Variants in TNS1 observed in about 807,000 individuals in gnomAD.
The protein encoded by TNS1 is tensin 1.
In TNS1, 62 loss-of-function variants were observed where a neutral mutation model predicts 168.6. The observed-to-expected ratio is 0.37, with a 90% confidence interval of 0.30 to 0.45. The LOEUF (loss-of-function observed/expected upper bound fraction) is 0.45. Ranked by LOEUF, TNS1 falls within the 20% of genes least tolerant of loss-of-function variation. TNS1 has a pLI of 1.00. For missense variants in TNS1, 2,240 were observed against 2,339.4 expected (o/e 0.96, Z 0.88); for synonymous variants, 934 against 933.2 (o/e 1.00, Z -0.02).
Position 217,960,742 on chromosome 2 carries a change from TC to T in TNS1, c.186+18022del, listed in dbSNP as rs1433669760. Among the ~76,000 whole-genome samples, 3 of 152,052 alleles carry T rather than the reference TC, an allele frequency of 2.0e-5. No homozygotes were observed. The East Asian group carries it at 5.8e-4, about 29-fold the overall frequency. Reference sequence around the variant, plus strand: ...TGCTCCTTCAGTCCCCTGTCCCCCTTCCAGTCTCCCTACCACCAGAGGACAA... The same window carrying T: ...TGCTCCTTCAGTCCCCTGTCCCCCTTCAGTCTCCCTACCACCAGAGGACAA... On this transcript the variant is annotated intron_variant, in intron 3 of 32. Coordinates refer to ENST00000682258, the MANE Select transcript of TNS1 (RefSeq NM_001387777.1).
At chr2:217,956,485 G>A (rs969736244) in intron 3 of TNS1, among the ~76,000 whole-genome samples, 10 of 152,288 alleles carry the variant, frequency 6.6e-5, no homozygotes, top group Admixed American at 1.3e-4. Context: ...TGAAACACCC[G>A]AAGGAGCAAG....
intron 1 of TNS1, 69 bp from the exon 2 acceptor site, chr2:217,991,125 C>A: frequency 5.9e-6 from 3 of 512,112 alleles, no homozygotes; most frequent in Non-Finnish European, 1.1e-5. Flanking sequence ...AGTAGAGGAG[C>A]CTGGGGGAGA....
Position 217,813,665 on chromosome 2 carries a change from A to C in TNS1, c.4861+20T>G. The C allele has an allele frequency of 6.3e-7, 1 of 1,597,188 alleles. No homozygotes were observed. On this transcript the variant is annotated intron_variant, in intron 26 of 32. Coordinates refer to ENST00000682258, the MANE Select transcript of TNS1 (RefSeq NM_001387777.1). The surrounding 1 kb of genome is among the most constrained non-coding windows in gnomAD (Gnocchi z 4.0). ...TAAAGCTCACCTGGTCCTGAGCCCC[A>C]TTCTGGGAGATGAGGTTACCTTTTT...
At chr2:217,901,494 C>T (rs1575014079) in intron 6 of TNS1, among the ~76,000 whole-genome samples, 1 of 152,170 alleles carries the variant, frequency 6.6e-6, no homozygotes. Context: ...CACCCTGCAT[C>T]GCCTCTACCC....
intron 1 of TNS1, among the ~76,000 whole-genome samples, chr2:217,998,021 T>A (rs973992847): frequency 1.3e-5 from 2 of 152,322 alleles, no homozygotes; most frequent in Middle Eastern, 3.4e-3. Flanking sequence ...CTACACTTGT[T>A]ACAAGCCAAG....
At chr2:217,822,382 T>C (rs539047455) in intron 22 of TNS1, among the ~76,000 whole-genome samples, 1 of 152,248 alleles carries the variant, frequency 6.6e-6, no homozygotes, top group Admixed American at 6.5e-5. Flanking sequence ...CCAGAGTTCA[T>C]GTGAGCTCCA....
At chr2:217,859,209 G>A (rs186016123) in intron 18 of TNS1, 31 of 169,642 alleles carry the variant, frequency 1.8e-4, no homozygotes, top group Admixed American at 5.5e-4. Flanking sequence ...AAGGGCCAGA[G>A]AGGGAGGGGA....
intron 2 of TNS1, among the ~76,000 whole-genome samples, chr2:217,988,240 C>G (rs1415604275): frequency 6.6e-6 from 1 of 152,220 alleles, no homozygotes; most frequent in African/African-American, 2.4e-5. Context: ...CGGTTCACAC[C>G]AGCAGGGCCA....
intron 1 of TNS1, among the ~76,000 whole-genome samples, chr2:218,031,372 G>A (rs904336820): frequency 6.6e-6 from 1 of 150,856 alleles, no homozygotes; most frequent in Admixed American, 6.6e-5. Context: ...GTGTGAGCAT[G>A]TCTGTGTGTG....
chr2:217,943,735 T>A (rs1559380486), intron 3 of TNS1: 2 of 152,396 alleles, frequency 1.3e-5, no homozygotes, highest in Admixed American at 6.5e-5. Context: ...CCTAATCTGA[T>A]CTGTGGTCTT....
chr2:217,956,503 G>C (rs1417341709), intron 3 of TNS1, among the ~76,000 whole-genome samples: 1 of 152,180 alleles, frequency 6.6e-6, no homozygotes, highest in Admixed American at 6.5e-5. Context: ...AAGGCTGCGG[G>C]GAGAGGATGG....
upstream of TNS1, among the ~76,000 whole-genome samples, chr2:218,011,256 G>A (rs1415595850): frequency 6.6e-6 from 1 of 152,164 alleles, no homozygotes; most frequent in Non-Finnish European, 1.5e-5. Flanking sequence ...GGAGAGGGAA[G>A]GAAAAAGAGG....
intron 1 of TNS1, among the ~76,000 whole-genome samples, chr2:218,015,767 G>A (rs1405469264): frequency 6.6e-6 from 1 of 152,102 alleles, no homozygotes; most frequent in African/African-American, 2.4e-5. Flanking sequence ...GGTGGGATAG[G>A]CCTGGAGTGA....
At chr2:217,874,577 T>A (rs1424916) in intron 18 of TNS1, among the ~76,000 whole-genome samples, 2 of 152,068 alleles carry the variant, frequency 1.3e-5, no homozygotes, top group Middle Eastern at 3.4e-3. Flanking sequence ...AAGAGTGGGG[T>A]TCCCAGAACA....
rs2125969318 is a variant in TNS1, at chr2:217,948,445, G to T, written c.187-28209C>A. On this transcript the variant is annotated intron_variant, in intron 3 of 32. Coordinates refer to ENST00000682258, the MANE Select transcript of TNS1 (RefSeq NM_001387777.1). The surrounding 1 kb of genome is among the most constrained non-coding windows in gnomAD (Gnocchi z 4.1). ...AGGCTATTCTGGGCCTCTGAATCCT[G>T]CTAGGCCCAACACACCCCATAGGGA... is the stretch of plus-strand genomic sequence containing the variant. Among the ~76,000 whole-genome samples the T allele has an allele frequency of 6.6e-6, 1 of 152,270 alleles. No homozygotes were observed. Among genetic ancestry groups the T allele is most frequent in the South Asian group, 2.1e-4 (1 of 4,828 alleles).
chr2:217,971,622 A>G (rs956539557), intron 3 of TNS1, among the ~76,000 whole-genome samples: 3 of 152,232 alleles, frequency 2.0e-5, no homozygotes, highest in African/African-American at 4.8e-5. Flanking sequence ...CAGCAAGTGT[A>G]TGTTGGATTT....
chr2:218,008,745 G>A (rs1958681069), intron 1 of TNS1, among the ~76,000 whole-genome samples: 1 of 152,190 alleles, frequency 6.6e-6, no homozygotes, highest in South Asian at 2.1e-4. Context: ...AGCTCCTAAT[G>A]GAGCAGAAGA....
chr2:217,938,959 T>C (rs1197947854), intron 3 of TNS1, among the ~76,000 whole-genome samples: 1 of 151,974 alleles, frequency 6.6e-6, no homozygotes, highest in Non-Finnish European at 1.5e-5. Flanking sequence ...ACCAGCATCT[T>C]CTCCACTCTC....
At chr2:217,883,722 C>A (rs890531833) in intron 16 of TNS1, among the ~76,000 whole-genome samples, 1 of 152,178 alleles carries the variant, frequency 6.6e-6, no homozygotes, top group Non-Finnish European at 1.5e-5. Flanking sequence ...AGACTGTTAT[C>A]ATTTACATTC....
Sources: gnomAD v4.1 joint callset for allele counts (sites outside exome capture counted in the v4.1 genomes callset) on GRCh38, gnomAD v4.1.1 for gene constraint, Gnocchi (gnomAD v3.1) non-coding constraint, MANE v1.5 for transcripts, NCBI Gene and HGNC (gene_info 2026-07-23, HGNC 2026-07-21) for gene names.